The following EEPD1 variants were observed in gnomAD, a reference collection of about 807,000 sequenced individuals.
The protein encoded by EEPD1 is endonuclease/exonuclease/phosphatase family domain-containing protein 1.
A neutral mutation model predicts 46.3 loss-of-function variants in EEPD1; 17 were observed. The observed-to-expected ratio is 0.37, with a 90% CI of 0.25 to 0.55. EEPD1 has a LOEUF of 0.55. Among genes scored for constraint, EEPD1 ranks in the 20% least tolerant of loss-of-function variants. The pLI, the probability that EEPD1 is intolerant of heterozygous loss-of-function variation, is 0.83. For synonymous variants in EEPD1, 313 were observed against 315.6 expected, an observed-to-expected ratio of 0.99 and a Z score of 0.09; for missense variants, 673 against 745.6, an observed-to-expected ratio of 0.90 and a Z score of 1.13.
chr7:36,257,946 C>T (rs1054692061), intron 3 of EEPD1, among the ~76,000 whole-genome samples: 1 of 152,128 alleles, frequency 6.6e-6, no homozygotes, highest in East Asian at 1.9e-4. Context: ...ACTGGTTTTT[C>T]CTCATCTTTC....
chr7:36,298,267 C>T (rs1200111470), intron 7 of EEPD1, among the ~76,000 whole-genome samples: 2 of 152,182 alleles, frequency 1.3e-5, no homozygotes, highest in African/African-American at 2.4e-5. Flanking sequence ...GGAAGCTGAG[C>T]CAACAGGGCT....
At chr7:36,162,737 G>T (rs773172133) in intron 2 of EEPD1, among the ~76,000 whole-genome samples, 2 of 152,158 alleles carry the variant, frequency 1.3e-5, no homozygotes, top group Non-Finnish European at 2.9e-5. Context: ...TGTTTCCAAC[G>T]AGCCCTTGTT....
chr7:36,297,323 T>A, intron 7 of EEPD1, 136 bp downstream of exon 7: 1 of 1,008,398 alleles, frequency 9.9e-7, no homozygotes, highest in Non-Finnish European at 1.4e-6. Context: ...AACTGTCATT[T>A]AATCAGAGAC....
At chr7:36,221,367 T>C (rs1320857280) in intron 2 of EEPD1, among the ~76,000 whole-genome samples, 1 of 152,252 alleles carries the variant, frequency 6.6e-6, no homozygotes, top group Non-Finnish European at 1.5e-5. Flanking sequence ...CTTTTAGCTT[T>C]AGAAGATGGA....
At chr7:36,165,654 G>T (rs1238432207) in intron 2 of EEPD1, among the ~76,000 whole-genome samples, 2 of 149,544 alleles carry the variant, frequency 1.3e-5, no homozygotes, top group East Asian at 3.9e-4. Flanking sequence ...GACCAGGATG[G>T]TCTCGATCTC....
intron 2 of EEPD1, among the ~76,000 whole-genome samples, chr7:36,186,847 A>T (rs1488065267): frequency 6.6e-6 from 1 of 152,246 alleles, no homozygotes; most frequent in African/African-American, 2.4e-5. Flanking sequence ...GGAAATGTTA[A>T]ATAACAAACC....
chr7:36,213,631 G>T (rs1438420452), intron 2 of EEPD1, among the ~76,000 whole-genome samples: 2 of 152,142 alleles, frequency 1.3e-5, no homozygotes, highest in African/African-American at 4.8e-5. Context: ...CCCTGGCAAA[G>T]GAAGCGTCAG....
At chr7:36,279,394 C>T (rs1286125446) in intron 3 of EEPD1, among the ~76,000 whole-genome samples, 1 of 152,216 alleles carries the variant, frequency 6.6e-6, no homozygotes, top group Non-Finnish European at 1.5e-5. Flanking sequence ...CCTCCCCTTG[C>T]CTGGTTTCAT....
intron 2 of EEPD1, among the ~76,000 whole-genome samples, chr7:36,201,900 G>T (rs766959017): frequency 3.9e-5 from 6 of 152,176 alleles, no homozygotes; most frequent in Non-Finnish European, 8.8e-5. Flanking sequence ...GTGAGTTCTG[G>T]CTTCCCATAG....
chr7:36,226,727 C>T (rs1377187599), intron 2 of EEPD1, among the ~76,000 whole-genome samples: 1 of 152,036 alleles, frequency 6.6e-6, no homozygotes, highest in Admixed American at 6.5e-5. Flanking sequence ...TTCAAATAAC[C>T]ATTGAATCCA....
rs767714551 is a variant in EEPD1, at chr7:36,287,751, C to A, written c.1289C>A (p.Ala430Glu). 2.5e-6 allele frequency: 4 copies of A among 1,614,136 alleles called. No individual in the cohort carries two copies. Among genetic ancestry groups the A allele is most frequent in the Non-Finnish European group, 3.4e-6 (4 of 1,179,976 alleles). ...GATGGCCACCGGTTGGCGAGCTTTGCACAGACCCTACAGGAAACCCTGAAA... is the reference window on the plus strand; with the variant it reads ...GATGGCCACCGGTTGGCGAGCTTTGAACAGACCCTACAGGAAACCCTGAAA... ...HSDGHRLASFAQTLQETLKGE... is the reference protein window; with the variant it reads ...HSDGHRLASFEQTLQETLKGE... The change falls in exon 6 of 8, where the codon GCA becomes GAA. Residue 430 changes from alanine to glutamate, a missense_variant. Ala to Glu is a moderately radical substitution (Grantham distance 107). Transcript: ENST00000242108.
At chr7:36,252,348 C>A (rs1193158630) in intron 3 of EEPD1, among the ~76,000 whole-genome samples, 1 of 152,112 alleles carries the variant, frequency 6.6e-6, no homozygotes, top group South Asian at 2.1e-4. Context: ...GCCCCGCCCC[C>A]CTCCATGTTT....
chr7:36,219,039 G>A (rs2540675), intron 2 of EEPD1, among the ~76,000 whole-genome samples: 149,208 of 152,236 alleles, frequency 0.98, 73,195 homozygotes, highest in East Asian at 1. Context: ...GAAGTTCCCT[G>A]CAGAAAATAA....
intron 2 of EEPD1, among the ~76,000 whole-genome samples, chr7:36,171,723 G>A (rs1352799740): frequency 6.6e-6 from 1 of 152,164 alleles, no homozygotes; most frequent in Non-Finnish European, 1.5e-5. Context: ...AGTATAGTTG[G>A]GAAGTGTACC....
chr7:36,208,584 T>G (rs1323228444), intron 2 of EEPD1, among the ~76,000 whole-genome samples: 1 of 152,194 alleles, frequency 6.6e-6, no homozygotes, highest in Non-Finnish European at 1.5e-5. Context: ...TGCCTGATGC[T>G]GGAGGCAGGG....
chr7:36,217,694 T>C (rs1786053235), intron 2 of EEPD1, among the ~76,000 whole-genome samples: 1 of 152,228 alleles, frequency 6.6e-6, no homozygotes, highest in African/African-American at 2.4e-5. Flanking sequence ...TTATAATTGC[T>C]ATTGTAAACA....
At chr7:36,207,025 G>T (rs887975733) in intron 2 of EEPD1, among the ~76,000 whole-genome samples, 1 of 152,082 alleles carries the variant, frequency 6.6e-6, no homozygotes, top group African/African-American at 2.4e-5. Context: ...CTCCAGCCTG[G>T]GCAACAGAGT....
At chr7:36,235,138 C>T (rs567526832) in intron 2 of EEPD1, among the ~76,000 whole-genome samples, 160 of 143,854 alleles carry the variant, frequency 1.1e-3, no homozygotes, top group African/African-American at 4.0e-3. Flanking sequence ...GCCTCCCCTA[C>T]AGCCTCCAGC....
chr7:36,282,334 G>A (rs1787274888), intron 4 of EEPD1, among the ~76,000 whole-genome samples: 1 of 152,210 alleles, frequency 6.6e-6, no homozygotes, highest in Non-Finnish European at 1.5e-5. Flanking sequence ...TTAATGAAAG[G>A]TGGCTATGTA....
Sources: gnomAD v4.1 joint callset for allele counts (sites outside exome capture counted in the v4.1 genomes callset) on GRCh38, gnomAD v4.1.1 for gene constraint, MANE v1.5 for transcripts, NCBI Gene and HGNC (gene_info 2026-07-23, HGNC 2026-07-21) for gene names.